The following NRXN2 variants were observed in gnomAD, a reference collection of about 807,000 sequenced individuals.
NRXN2 encodes neurexin-2-beta.
Under a neutral mutation model 128.8 loss-of-function variants are expected in NRXN2, and 29 were observed. The observed-to-expected ratio is 0.23, with a 90% CI of 0.17 to 0.31. The LOEUF is 0.31. Ranked by LOEUF, NRXN2 falls within the 10% of genes least tolerant of loss-of-function variation. NRXN2 has a pLI of 1.00. For synonymous variants in NRXN2, 1,098 were observed against 1,075.2 expected, an observed-to-expected ratio of 1.02 and a Z score of -0.41; for missense variants, 1,881 against 2,452.6, an observed-to-expected ratio of 0.77 and a Z score of 4.92.
At chr11:64,676,732 T>C in intron 7 of NRXN2, 1 of 563,500 alleles carries the variant, frequency 1.8e-6, no homozygotes, top group East Asian at 2.9e-5. Flanking sequence ...ATTCAGGAGT[T>C]AGGGATTACA....
chr11:64,696,813 C>T (rs1427478664), intron 3 of NRXN2, among the ~76,000 whole-genome samples: 2 of 152,180 alleles, frequency 1.3e-5, no homozygotes, highest in Non-Finnish European at 2.9e-5. Flanking sequence ...CTCATGCCTG[C>T]TCTGCTGCCT....
At chr11:64,701,471 G>A (rs142096343) in intron 2 of NRXN2, among the ~76,000 whole-genome samples, 39 of 152,296 alleles carry the variant, frequency 2.6e-4, no homozygotes, top group Non-Finnish European at 5.0e-4. Context: ...AGCTACAATG[G>A]TTCGCGCCTA....
Position 64,666,494 on chromosome 11 carries a change from G to A in NRXN2, c.1798+756C>T, listed in dbSNP as rs191723823. Among the ~76,000 whole-genome samples the A allele has an allele frequency of 2.0e-5, 3 of 151,498 alleles. No homozygotes were observed. In the East Asian group the frequency reaches 5.9e-4, roughly 30 times the overall value. On this transcript the variant is annotated intron_variant, in intron 9 of 22. Transcript: ENST00000265459. ...TGGAATTACAGGCGTGAGCCACAGC[G>A]CCCGGCCTAGTGAGTTAATTTTTTT...
chr11:64,674,781 G>A (rs2051078275), intron 7 of NRXN2, among the ~76,000 whole-genome samples: 1 of 152,214 alleles, frequency 6.6e-6, no homozygotes, highest in Non-Finnish European at 1.5e-5. Flanking sequence ...GAGATAACCA[G>A]TTAACATTTT....
intron 1 of NRXN2, among the ~76,000 whole-genome samples, chr11:64,719,058 AACAT>A (rs1314458715): frequency 1.3e-5 from 2 of 152,218 alleles, no homozygotes; most frequent in Non-Finnish European, 2.9e-5. Flanking sequence ...AATTAGAATT[AACAT>A]ACATAAAGCT....
Position 64,607,278 on chromosome 11 carries a change from G to A in NRXN2, c.5057C>T (p.Ala1686Val), listed in dbSNP as rs1217710526. 6.2e-7 allele frequency: 1 copy of A among 1,613,876 alleles called. No homozygotes were observed. The highest frequency in any genetic ancestry group is 8.5e-7 in the Non-Finnish European group (1 of 1,179,920). Residue 1686 changes from alanine to valine, a missense_variant, in exon 23 of 23, where the codon GCG becomes GTG. Transcript: ENST00000265459. ...YISNSAQSNG[A>V]VVKEKAPAAP... Reference sequence around the variant, plus strand: ...AGCCGGGGCCTTCTCTTTCACCACCGCCCCATTGCTCTGGGCCGAGTTACT... The same window carrying A: ...AGCCGGGGCCTTCTCTTTCACCACCACCCCATTGCTCTGGGCCGAGTTACT...
chr11:64,642,834 C>CA, intron 17 of NRXN2: 1 of 1,088,464 alleles, frequency 9.2e-7, no homozygotes, highest in East Asian at 6.2e-5. Flanking sequence ...CTCACAGCCC[C>CA]ATGGCCGGGG....
At chr11:64,608,310 T>G (rs990465586) in intron 22 of NRXN2, among the ~76,000 whole-genome samples, 2 of 152,106 alleles carry the variant, frequency 1.3e-5, no homozygotes, top group African/African-American at 4.8e-5. Flanking sequence ...TGTGACTCTC[T>G]GGGTTTTGGT....
chr11:64,668,598 T>C lies in NRXN2; in HGVS notation c.1204A>G (p.Ile402Val). 2 of 1,612,954 alleles carry C rather than the reference T, an allele frequency of 1.2e-6. No homozygotes were observed. Among genetic ancestry groups the C allele is most frequent in the Non-Finnish European group, 1.7e-6 (2 of 1,179,896 alleles). The change falls in exon 8 of 23, where the codon ATC becomes GTC. Residue 402 changes from isoleucine (I) to valine (V), a missense_variant. Physicochemically the swap from Ile to Val is conservative, Grantham distance 29. Coordinates refer to ENST00000265459, the MANE Select transcript of NRXN2 (RefSeq NM_015080.4). ...MVNKLHYLVT[I>V]SVDGILTTTG... ...GTGGTCAGGATCCCGTCCACCGAGA[T>C]GGTCACCTGTCCAGCCCAGGAGGGA... is the stretch of plus-strand genomic sequence containing the variant.
intron 11 of NRXN2, among the ~76,000 whole-genome samples, chr11:64,657,863 A>G (rs1397349133): frequency 6.6e-6 from 1 of 152,234 alleles, no homozygotes; most frequent in African/African-American, 2.4e-5. Flanking sequence ...ACATGTCTAC[A>G]GATGGGGGCA....
At chr11:64,676,939 A>T in intron 7 of NRXN2, 54 bp downstream of exon 7, 1 of 1,458,502 alleles carries the variant, frequency 6.9e-7, no homozygotes. Context: ...AGAATCGAAC[A>T]GTTAAAAAAA....
chr11:64,643,973 CTG>C (rs2046251985), intron 17 of NRXN2, among the ~76,000 whole-genome samples: 2 of 151,444 alleles, frequency 1.3e-5, no homozygotes, highest in Admixed American at 1.3e-4. Flanking sequence ...CACGTGCACA[CTG>C]AGATGTGTAT....
In NRXN2 at chr11:64,667,622, T is replaced by C; in HGVS notation, c.1426A>G (p.Met476Val). Residue 476 changes from methionine (M) to valine (V), a missense_variant, in exon 9 of 23, where the codon ATG becomes GTG. Met to Val is a conservative substitution (Grantham distance 21, BLOSUM62 1). Coordinates refer to ENST00000265459, the MANE Select transcript of NRXN2 (RefSeq NM_015080.4). The surrounding 1 kb of genome is among the most constrained non-coding windows in gnomAD (Gnocchi z 5.6). ...AATGACAAGTCCCCCTGCAGCTTCA[T>C]CTTGGGGTCCCCTTCCTTTGCCAGG... The part of the protein sequence containing the change: ...SRLAKEGDPK[M>V]KLQGDLSFRC... 1 of 1,614,208 alleles carries C rather than the reference T, an allele frequency of 6.2e-7. No homozygotes were observed. The highest frequency in any genetic ancestry group is 8.5e-7 in the Non-Finnish European group (1 of 1,180,038).
In NRXN2 at chr11:64,622,870, G is replaced by A; in HGVS notation, c.4056C>T (p.Thr1352=). Residue 1352 remains threonine (T), a synonymous_variant, in exon 21 of 23, where the codon ACC becomes ACT. Coordinates refer to ENST00000265459, the MANE Select transcript of NRXN2 (RefSeq NM_015080.4). This position sits in a 1 kb window ranked among gnomAD's most constrained non-coding sequence, Gnocchi z 4.3. The part of the protein sequence containing the change: ...EGPSVLLSAE[T]TATTLLADMA... ...TGTCAGCCAGCAGGGTGGTGGCCGT[G>A]GTCTCCGCACTGAGCAGCACGGACG... is the stretch of plus-strand genomic sequence containing the variant. 6.2e-7 allele frequency: 1 copy of A among 1,612,854 alleles called. No individual in the cohort carries two copies.
chr11:64,681,813 T>TGGCAC (rs3031430), intron 6 of NRXN2, among the ~76,000 whole-genome samples: 149,497 of 152,192 alleles, frequency 0.98, 73,485 homozygotes, highest in Middle Eastern at 1. Flanking sequence ...CTAAGAAAAT[T>TGGCAC]GGATGAGTAT....
In NRXN2 at chr11:64,690,491, T is replaced by C. The variant is rs368920727; in HGVS notation, c.779-15A>G. The C allele has an allele frequency of 2.1e-4, 343 of 1,611,290 alleles. No homozygotes were observed. Among genetic ancestry groups the C allele is most frequent in the Admixed American group, 1.0e-3 (62 of 59,758 alleles). ...TAAGGACCCTACTGGAGAAGCAGAA[T>C]TGGGGAGTCAGGCACAGGGGGTACC... On this transcript the variant is annotated splice_polypyrimidine_tract_variant and intron_variant, in intron 4 of 22. Coordinates refer to ENST00000265459, the MANE Select transcript of NRXN2 (RefSeq NM_015080.4).
intron 7 of NRXN2, among the ~76,000 whole-genome samples, chr11:64,673,228 T>G (rs1265894721): frequency 2.6e-5 from 4 of 152,018 alleles, no homozygotes; most frequent in African/African-American, 9.7e-5. Context: ...ATTCAAAGAG[T>G]CCCAGTGTGT....
intron 2 of NRXN2, 82 bp from the exon 3 acceptor site, chr11:64,697,874 G>A (rs2054786460): frequency 6.5e-7 from 1 of 1,539,580 alleles, no homozygotes; most frequent in Admixed American, 1.7e-5. Flanking sequence ...CACGGACAGG[G>A]GCTCCAAGGG....
At chr11:64,611,762 C>T (rs1006171426) in intron 22 of NRXN2, among the ~76,000 whole-genome samples, 12 of 152,160 alleles carry the variant, frequency 7.9e-5, no homozygotes, top group African/African-American at 2.7e-4. Context: ...CCCCTCCAAC[C>T]CCAGCTGCTT....
Sources: gnomAD v4.1 joint callset for allele counts (sites outside exome capture counted in the v4.1 genomes callset) on GRCh38, gnomAD v4.1.1 for gene constraint, Gnocchi (gnomAD v3.1) non-coding constraint, MANE v1.5 for transcripts, NCBI Gene and HGNC (gene_info 2026-07-23, HGNC 2026-07-21) for gene names.